The following CACNA2D2 variants were observed in gnomAD, a reference collection of about 807,000 sequenced individuals.
The protein encoded by CACNA2D2 is voltage-dependent calcium channel subunit alpha-2/delta-2.
Under a neutral mutation model 166.4 loss-of-function variants are expected in CACNA2D2, and 48 were observed. The ratio of observed to expected loss-of-function variants is 0.29; its 90% confidence interval spans 0.23 to 0.37. The LOEUF is 0.37. Among genes scored for constraint, CACNA2D2 ranks in the 10% least tolerant of loss-of-function variants. The probability of loss-of-function intolerance (pLI) is 1.00; values close to 1 mark genes in which losing one functional copy is unlikely to be tolerated. For missense variants in CACNA2D2, 1,122 were observed against 1,433.0 expected (o/e 0.78, Z 3.50); for synonymous variants, 561 against 573.7 (o/e 0.98, Z 0.32).
intron 2 of CACNA2D2, among the ~76,000 whole-genome samples, chr3:50,458,239 G>A (rs1391351073): frequency 2.0e-5 from 3 of 152,342 alleles, no homozygotes; most frequent in Middle Eastern, 3.4e-3. Flanking sequence ...GACTTGGGAC[G>A]AGGGGCACCT....
In CACNA2D2 at chr3:50,365,848, A is replaced by G; in HGVS notation, c.2877T>C (p.Asp959=). Residue 959 remains aspartate, a synonymous_variant, in exon 33 of 38, where the codon GAT becomes GAC. Coordinates refer to ENST00000424201, the MANE Select transcript of CACNA2D2 (RefSeq NM_006030.4). The surrounding 1 kb of genome is among the most constrained non-coding windows in gnomAD (Gnocchi z 4.5). The part of the protein sequence containing the change: ...PRGVFVPTVA[D]FLNLAWWTSA... The stretch of plus-strand genomic sequence containing the variant: ...AGGTCCACCAGGCCAGGTTAAGGAA[A>G]TCTGCAACGGTGGGCTGCAGTGGAG... 1 of 1,613,314 alleles carries G rather than the reference A, an allele frequency of 6.2e-7. No homozygotes were observed. Among genetic ancestry groups the G allele is most frequent in the Non-Finnish European group, 8.5e-7 (1 of 1,180,018 alleles).
intron 3 of CACNA2D2, among the ~76,000 whole-genome samples, chr3:50,409,530 C>T (rs576218214): frequency 3.3e-5 from 5 of 152,386 alleles, no homozygotes; most frequent in Non-Finnish European, 5.9e-5. Flanking sequence ...GAGCTGTCAT[C>T]GTGGGCGATG....
At chr3:50,457,861 T>C (rs974457608) in intron 2 of CACNA2D2, among the ~76,000 whole-genome samples, 5 of 152,172 alleles carry the variant, frequency 3.3e-5, no homozygotes. Context: ...CAATAGGTGA[T>C]GATGGGGACT....
At position 50,375,327 on chromosome 3, in the gene CACNA2D2, G is replaced by A. The variant is rs1021902803; in HGVS notation, c.1907+317C>T. On this transcript the variant is annotated intron_variant, in intron 21 of 37. Transcript: ENST00000424201. This position sits in a 1 kb window ranked among gnomAD's most constrained non-coding sequence, Gnocchi z 4.0. ...AGCTGTGTGGGGCAGGCAGAGGTCA[G>A]CCTGCACTGACCCAGCCTGACACAC... Among the ~76,000 whole-genome samples the A allele has an allele frequency of 2.6e-5, 4 of 152,324 alleles. No homozygotes were observed. Among genetic ancestry groups the A allele is most frequent in the Non-Finnish European group, 4.4e-5 (3 of 68,032 alleles).
intron 1 of CACNA2D2, among the ~76,000 whole-genome samples, chr3:50,499,384 A>T (rs896997999): frequency 6.6e-6 from 1 of 152,180 alleles, no homozygotes; most frequent in African/African-American, 2.4e-5. Context: ...GCTTAATGCT[A>T]ATGTTAACAG....
At chr3:50,473,638 AT>A (rs919690365) in intron 2 of CACNA2D2, among the ~76,000 whole-genome samples, 6 of 152,198 alleles carry the variant, frequency 3.9e-5, no homozygotes, top group Non-Finnish European at 5.9e-5. Context: ...GGCTGGGTAC[AT>A]GGACCGTCTT....
intron 2 of CACNA2D2, among the ~76,000 whole-genome samples, chr3:50,450,227 G>GCGGAT (rs1303744121): frequency 6.6e-6 from 1 of 152,174 alleles, no homozygotes; most frequent in African/African-American, 2.4e-5. Flanking sequence ...TCTTTTGACA[G>GCGGAT]CGGATCGGCC....
chr3:50,454,297 T>C (rs980083569), intron 2 of CACNA2D2, among the ~76,000 whole-genome samples: 1 of 152,194 alleles, frequency 6.6e-6, no homozygotes, highest in African/African-American at 2.4e-5. Flanking sequence ...CAGCATTTGC[T>C]TGGCACCCGC....
At position 50,380,042 on chromosome 3, in the gene CACNA2D2, G is replaced by A. The variant is rs1269261061; in HGVS notation, c.843-24C>T. 6.2e-7 allele frequency: 1 copy of A among 1,613,650 alleles called. No homozygotes were observed. The highest frequency in any genetic ancestry group is 1.3e-5 in the African/African-American group (1 of 74,926). ...ACCTGCCCAGGAGATGCCTCTGTTAGGGTAAGGCCCACTGGGACCTTGTGG... is the reference window on the plus strand; with the variant it reads ...ACCTGCCCAGGAGATGCCTCTGTTAAGGTAAGGCCCACTGGGACCTTGTGG... On this transcript the variant is annotated intron_variant, in intron 8 of 37. Coordinates refer to ENST00000424201, the MANE Select transcript of CACNA2D2 (RefSeq NM_006030.4). The surrounding 1 kb of genome is among the most constrained non-coding windows in gnomAD (Gnocchi z 4.9).
intron 1 of CACNA2D2, among the ~76,000 whole-genome samples, chr3:50,484,473 C>T (rs1248595577): frequency 2.0e-5 from 3 of 152,202 alleles, no homozygotes; most frequent in Non-Finnish European, 4.4e-5. Flanking sequence ...CCAGTAGCTT[C>T]CCTGACCTCA....
At chr3:50,447,713 C>T (rs1002100586) in intron 2 of CACNA2D2, among the ~76,000 whole-genome samples, 1 of 152,098 alleles carries the variant, frequency 6.6e-6, no homozygotes, top group African/African-American at 2.4e-5. Flanking sequence ...ATACATGAGC[C>T]CCTCCAGGTT....
Position 50,365,256 on chromosome 3 carries a change from C to T in CACNA2D2, c.3099-72G>A. The T allele has an allele frequency of 1.3e-6, 2 of 1,572,068 alleles. No individual in the cohort carries two copies. Among genetic ancestry groups the T allele is most frequent in the Non-Finnish European group, 1.7e-6 (2 of 1,158,706 alleles). ...ACCCACCCCCATCCTGCGGCCCCGC[C>T]CCCGGCCGCTCGGAGGCCCCGCCCC... On this transcript the variant is annotated intron_variant, in intron 35 of 37. Coordinates refer to ENST00000424201, the MANE Select transcript of CACNA2D2 (RefSeq NM_006030.4). This position sits in a 1 kb window ranked among gnomAD's most constrained non-coding sequence, Gnocchi z 4.5.
chr3:50,409,054 G>A (rs974236795), intron 3 of CACNA2D2, among the ~76,000 whole-genome samples: 6 of 152,130 alleles, frequency 3.9e-5, no homozygotes, highest in Non-Finnish European at 8.8e-5. Flanking sequence ...GACTTTCTGA[G>A]GGAGAGACCC....
At position 50,503,321 on chromosome 3, in the gene CACNA2D2, G is replaced by A. The variant is rs932043672; in HGVS notation, c.103C>T (p.Arg35Cys). The change falls in exon 1 of 38, where the codon CGC becomes TGC. Residue 35 changes from arginine (R) to cysteine (C), a missense_variant. Coordinates refer to ENST00000424201, the MANE Select transcript of CACNA2D2 (RefSeq NM_006030.4). ...CGPHPGPGTR[R>C]PTSGPPRPLW... ...GGGCGCGGGGGCCCGGACGTCGGGC[G>A]CCGGGTGCCGGGGCCAGGGTGGGGG... 24 of 562,458 alleles carry A rather than the reference G, an allele frequency of 4.3e-5. No individual in the cohort carries two copies. Among genetic ancestry groups the A allele is most frequent in the Non-Finnish European group, 5.3e-5 (21 of 394,858 alleles). 34.8% of individuals were successfully genotyped at this position (562,458 alleles called of 1,614,324 possible). A position where few individuals can be genotyped will look rare whatever the true frequency, so the allele number is the denominator to read the frequency against.
chr3:50,370,245 G>A (rs1704580418), intron 23 of CACNA2D2, 75 bp downstream of exon 23: 1 of 991,994 alleles, frequency 1.0e-6, no homozygotes, highest in Non-Finnish European at 1.6e-6. Flanking sequence ...CAGAGCTCCA[G>A]GCAGCAGTGC....
At chr3:50,403,430 C>T (rs1284945156) in intron 3 of CACNA2D2, among the ~76,000 whole-genome samples, 2 of 152,180 alleles carry the variant, frequency 1.3e-5, no homozygotes, top group Non-Finnish European at 2.9e-5. Context: ...TCCTCAGCAC[C>T]AACTTCGCTG....
At chr3:50,368,267 T>C (rs1704460256) in intron 23 of CACNA2D2, 32 bp from the exon 24 acceptor site, 1 of 1,401,760 alleles carries the variant, frequency 7.1e-7, no homozygotes, top group South Asian at 1.2e-5. Flanking sequence ...AAGAGTGGGC[T>C]TGGGGGGCTG....
chr3:50,384,151 C>G, intron 6 of CACNA2D2, 45 bp downstream of exon 6: 3 of 1,604,846 alleles, frequency 1.9e-6, no homozygotes, highest in Non-Finnish European at 2.6e-6. Context: ...GGGCCTGCCC[C>G]CACAGCAGGT....
chr3:50,373,645 C>T (rs192148914), intron 22 of CACNA2D2, among the ~76,000 whole-genome samples: 66 of 15,236 alleles, frequency 4.3e-3, no homozygotes, highest in Non-Finnish European at 7.0e-3. Flanking sequence ...GTGGGGAGAG[C>T]GGGAGGGAGG....
Sources: gnomAD v4.1 joint callset for allele counts (sites outside exome capture counted in the v4.1 genomes callset) on GRCh38, gnomAD v4.1.1 for gene constraint, Gnocchi (gnomAD v3.1) non-coding constraint, MANE v1.5 for transcripts, NCBI Gene and HGNC (gene_info 2026-07-23, HGNC 2026-07-21) for gene names.